The following RFX4 variants were observed in gnomAD, a reference collection of about 807,000 sequenced individuals.
RFX4 encodes regulatory factor X4, also known as transcription factor RFX4.
RFX4 carries 10 observed loss-of-function variants against 95.0 expected under a neutral mutation model. The observed-to-expected ratio is 0.11, with a 90% CI of 0.06 to 0.18. The LOEUF is 0.18. Among genes scored for constraint, RFX4 ranks in the 10% least tolerant of loss-of-function variants. The pLI is 1.00. For synonymous variants in RFX4, 321 were observed against 340.7 expected (o/e 0.94, Z 0.64); for missense variants, 640 against 922.0 (o/e 0.69, Z 3.96).
chr12:106,700,414 T>TC (rs1342621439), intron 8 of RFX4, among the ~76,000 whole-genome samples: 4 of 145,270 alleles, frequency 2.8e-5, no homozygotes, highest in Non-Finnish European at 6.1e-5. Flanking sequence ...TTTTTTTTTT[T>TC]TTTTTTTTTT....
chr12:106,667,814 G>C (rs1315308736), intron 4 of RFX4, among the ~76,000 whole-genome samples: 1 of 152,160 alleles, frequency 6.6e-6, no homozygotes, highest in East Asian at 1.9e-4. Flanking sequence ...TGACTTCAAA[G>C]CTTCTTATAT....
intron 5 of RFX4, 29 bp from the exon 6 acceptor site, chr12:106,686,851 TTCTC>T (rs2137418871): frequency 6.8e-7 from 1 of 1,479,184 alleles, no homozygotes; most frequent in Non-Finnish European, 9.0e-7. Context: ...TTTTTTTTTT[TTCTC>T]TCTCTCCCTC....
chr12:106,700,148 C>T (rs565831330), intron 8 of RFX4, among the ~76,000 whole-genome samples: 7 of 152,226 alleles, frequency 4.6e-5, no homozygotes, highest in South Asian at 2.1e-4. Context: ...CCTCCCACCT[C>T]GGTCTCCTGA....
chr12:106,746,493 CAT>C (rs981481968), intron 15 of RFX4, among the ~76,000 whole-genome samples: 8 of 151,922 alleles, frequency 5.3e-5, no homozygotes, highest in African/African-American at 1.9e-4. Context: ...ATGATCATGT[CAT>C]TGCACTCCAG....
chr12:106,648,935 C>A (rs1003916432), intron 3 of RFX4, among the ~76,000 whole-genome samples: 1 of 151,966 alleles, frequency 6.6e-6, no homozygotes, highest in African/African-American at 2.4e-5. Context: ...ATGCTGAAAC[C>A]TTGTGAGGAA....
intron 2 of RFX4, among the ~76,000 whole-genome samples, chr12:106,619,827 C>A (rs1297454326): frequency 6.6e-6 from 1 of 152,054 alleles, no homozygotes; most frequent in Non-Finnish European, 1.5e-5. Context: ...CCTTTCAGTT[C>A]TAAATTCCCA....
intron 2 of RFX4, among the ~76,000 whole-genome samples, chr12:106,615,764 T>C (rs2137223048): frequency 6.6e-6 from 1 of 152,292 alleles, no homozygotes; most frequent in African/African-American, 2.4e-5. Flanking sequence ...TATTTTAAAG[T>C]TTTTCCTAAT....
intron 4 of RFX4, among the ~76,000 whole-genome samples, chr12:106,660,750 C>G (rs949885120): frequency 2.0e-5 from 3 of 152,056 alleles, no homozygotes; most frequent in Non-Finnish European, 4.4e-5. Context: ...GGCGAGTGAG[C>G]GAGCATTACC....
In RFX4 at chr12:106,675,570, A is replaced by G. The variant is rs536356107; in HGVS notation, c.316-6423A>G. ...AATTTAGCCATTCCACAATGTATACATATTTCAGAACATCATATTGTACAC... is the reference window on the plus strand; with the variant it reads ...AATTTAGCCATTCCACAATGTATACGTATTTCAGAACATCATATTGTACAC... On this transcript the variant is annotated intron_variant, in intron 4 of 17. Transcript: ENST00000392842. Among the ~76,000 whole-genome samples, 5 of 152,312 alleles carry G rather than the reference A, an allele frequency of 3.3e-5. No individual in the cohort carries two copies. In the South Asian group the frequency reaches 8.3e-4, roughly 25 times the overall value.
At chr12:106,617,321 GAT>G (rs2040092880) in intron 2 of RFX4, among the ~76,000 whole-genome samples, 1 of 151,958 alleles carries the variant, frequency 6.6e-6, no homozygotes, top group South Asian at 2.1e-4. Flanking sequence ...TAGCTTTTGA[GAT>G]AGGTGCTTAG....
chr12:106,622,222 AT>A (rs1389570728), intron 2 of RFX4, among the ~76,000 whole-genome samples: 5 of 152,246 alleles, frequency 3.3e-5, no homozygotes, highest in East Asian at 1.9e-4. Flanking sequence ...CAAAGATTAT[AT>A]TTTAAAAAAA....
chr12:106,586,045 G>A lies in RFX4; in HGVS notation c.43+2682G>A, dbSNP rs2039451378. 6.6e-6 allele frequency: 1 copy of A among 152,226 alleles called. No individual in the cohort carries two copies. The highest frequency in any genetic ancestry group is 1.5e-5 in the Non-Finnish European group (1 of 68,082). 9.4% of individuals were successfully genotyped at this position (152,226 alleles called of 1,614,324 possible). On this transcript the variant is annotated intron_variant, in intron 1 of 17. Transcript: ENST00000392842. The surrounding 1 kb of genome is among the most constrained non-coding windows in gnomAD (Gnocchi z 5.6). ...GAGCTAAGACAATGGCCCGGTCGGG[G>A]GAAGCTGGGCAGCCGGCGCGCGCCT...
At chr12:106,642,244 A>G (rs751778095) in intron 3 of RFX4, among the ~76,000 whole-genome samples, 7 of 150,578 alleles carry the variant, frequency 4.6e-5, no homozygotes, top group Non-Finnish European at 8.9e-5. Context: ...TCTGGACCTC[A>G]TGTGATCCAC....
intron 3 of RFX4, among the ~76,000 whole-genome samples, chr12:106,647,509 TA>T (rs1232202553): frequency 1.3e-5 from 2 of 152,196 alleles, no homozygotes; most frequent in Non-Finnish European, 2.9e-5. Context: ...ACCCAGATAT[TA>T]AGATTAATAA....
chr12:106,685,830 T>G (rs972316232), intron 5 of RFX4, among the ~76,000 whole-genome samples: 13 of 152,246 alleles, frequency 8.5e-5, no homozygotes, highest in African/African-American at 3.1e-4. Context: ...GTAGAAAGAC[T>G]GTAATAATTT....
chr12:106,696,604 A>G (rs921486440), intron 8 of RFX4, among the ~76,000 whole-genome samples, 158 bp downstream of exon 8: 3 of 152,134 alleles, frequency 2.0e-5, no homozygotes, highest in Admixed American at 2.0e-4. Context: ...TATATTTTGG[A>G]ATATAAATAA....
At position 106,682,038 on chromosome 12, in the gene RFX4, A is replaced by T; in HGVS notation, c.361A>T (p.Thr121Ser). The stretch of plus-strand genomic sequence containing the variant: ...TCAGTTAACCACCAGAAGACTCGGG[A>T]CCCGAGGACAGTCAAAGTAAGCACC... ...FPQLTTRRLG[T>S]RGQSKYHYYG... The change falls in exon 5 of 18, where the codon ACC (threonine) becomes TCC (serine). Residue 121 changes from threonine (T) to serine (S), a missense_variant. Thr to Ser is a moderately conservative substitution (Grantham distance 58). Transcript: ENST00000392842. The T allele has an allele frequency of 6.2e-7, 1 of 1,614,164 alleles. No homozygotes were observed. The highest frequency in any genetic ancestry group is 8.5e-7 in the Non-Finnish European group (1 of 1,180,022).
intron 8 of RFX4, among the ~76,000 whole-genome samples, chr12:106,698,074 G>A (rs1002516945): frequency 2.0e-5 from 3 of 151,952 alleles, no homozygotes; most frequent in Non-Finnish European, 2.9e-5. Flanking sequence ...CCGGGTTCAA[G>A]TGATTCTCCT....
At chr12:106,584,472 C>T (rs1177053515) in intron 1 of RFX4, among the ~76,000 whole-genome samples, 2 of 152,180 alleles carry the variant, frequency 1.3e-5, no homozygotes, top group Non-Finnish European at 2.9e-5. Context: ...TGCCTGCAAG[C>T]ATAAGCTGCT....
Sources: gnomAD v4.1 joint callset for allele counts (sites outside exome capture counted in the v4.1 genomes callset) on GRCh38, gnomAD v4.1.1 for gene constraint, Gnocchi (gnomAD v3.1) non-coding constraint, MANE v1.5 for transcripts, NCBI Gene and HGNC (gene_info 2026-07-23, HGNC 2026-07-21) for gene names.